NCAM2: variants seen among roughly 807,000 people sequenced by gnomAD.
NCAM2 encodes the protein N-CAM-2.
A neutral mutation model predicts 98.1 loss-of-function variants in NCAM2; 30 were observed. That is an observed-to-expected ratio of 0.31 (90% CI 0.23 to 0.41). The LOEUF (loss-of-function observed/expected upper bound fraction) is 0.41. Ranked by LOEUF, NCAM2 falls within the 10% of genes least tolerant of loss-of-function variation. The pLI, the probability that NCAM2 is intolerant of heterozygous loss-of-function variation, is 1.00. For missense variants in NCAM2, 867 were observed against 1,005.8 expected, an observed-to-expected ratio of 0.86 and a Z score of 1.87; for synonymous variants, 368 against 342.4, an observed-to-expected ratio of 1.07 and a Z score of -0.83.
chr21:21,039,454 TCC>T (rs773984795), intron 1 of NCAM2, among the ~76,000 whole-genome samples: 6 of 152,154 alleles, frequency 3.9e-5, no homozygotes, highest in South Asian at 2.1e-4. Context: ...CATGAAATGT[TCC>T]CAACACATAA....
intron 11 of NCAM2, among the ~76,000 whole-genome samples, chr21:21,426,538 A>G (rs2077217623): frequency 6.6e-6 from 1 of 152,190 alleles, no homozygotes; most frequent in South Asian, 2.1e-4. Context: ...CAAGGTCACA[A>G]AATAGCATAA....
intron 12 of NCAM2, among the ~76,000 whole-genome samples, chr21:21,442,018 A>G (rs1020503518): frequency 2.0e-5 from 3 of 152,198 alleles, no homozygotes; most frequent in Non-Finnish European, 4.4e-5. Flanking sequence ...CATTTTAACA[A>G]GATGACCCGA....
chr21:21,115,989 G>C (rs201850102), intron 1 of NCAM2, among the ~76,000 whole-genome samples: 41 of 130,740 alleles, frequency 3.1e-4, no homozygotes, highest in East Asian at 1.3e-3. Context: ...GTGTGTGTGT[G>C]TGTCTGTCTG....
intron 1 of NCAM2, among the ~76,000 whole-genome samples, chr21:21,273,974 T>C (rs901840130): frequency 1.3e-5 from 2 of 151,870 alleles, no homozygotes; most frequent in Non-Finnish European, 2.9e-5. Context: ...GAGACCAGCA[T>C]GAAGAACATG....
In NCAM2 at chr21:21,096,680, A is replaced by G. The variant is rs988200230; in HGVS notation, c.55+98062A>G. Among the ~76,000 whole-genome samples the G allele has an allele frequency of 8.6e-5, 13 of 151,720 alleles. 1 individual carries two copies. The Admixed American group carries it at 8.6e-4, about 10-fold the overall frequency. Reference sequence around the variant, plus strand: ...TTATGTATCTTTCTAAGTTTGGATCAGCTTCCAACATTTTATTCTTTACTC... The same window carrying G: ...TTATGTATCTTTCTAAGTTTGGATCGGCTTCCAACATTTTATTCTTTACTC... On this transcript the variant is annotated intron_variant, in intron 1 of 17. Coordinates refer to ENST00000400546, the MANE Select transcript of NCAM2 (RefSeq NM_004540.5).
intron 1 of NCAM2, among the ~76,000 whole-genome samples, chr21:21,107,596 TA>T (rs2066375098): frequency 6.6e-6 from 1 of 152,124 alleles, no homozygotes; most frequent in African/African-American, 2.4e-5. Context: ...TTAATTATAT[TA>T]AAAATAACTT....
chr21:21,285,872 T>C (rs1390133244), intron 3 of NCAM2, among the ~76,000 whole-genome samples: 1 of 151,928 alleles, frequency 6.6e-6, no homozygotes, highest in Non-Finnish European at 1.5e-5. Context: ...AATATTGCTA[T>C]TTTATATAGG....
chr21:21,524,738 G>T (rs530906643), intron 16 of NCAM2, among the ~76,000 whole-genome samples: 1 of 152,098 alleles, frequency 6.6e-6, no homozygotes, highest in African/African-American at 2.4e-5. Flanking sequence ...GCCTAGAATA[G>T]GCACCAAGAT....
chr21:21,516,894 G>A (rs1988744540), intron 16 of NCAM2, among the ~76,000 whole-genome samples: 1 of 151,914 alleles, frequency 6.6e-6, no homozygotes, highest in Non-Finnish European at 1.5e-5. Context: ...TTTTTTCTCT[G>A]TGTTTCCTCC....
intron 15 of NCAM2, among the ~76,000 whole-genome samples, chr21:21,495,426 C>T (rs1039455128): frequency 1.3e-5 from 2 of 152,054 alleles, no homozygotes; most frequent in South Asian, 2.1e-4. Context: ...ACTGGACAGA[C>T]ATTTAATAGC....
intron 1 of NCAM2, among the ~76,000 whole-genome samples, chr21:21,033,663 G>A (rs2064737082): frequency 6.6e-6 from 1 of 152,090 alleles, no homozygotes; most frequent in African/African-American, 2.4e-5. Context: ...GAAGCAAAGG[G>A]TGGCTTATTA....
chr21:21,121,955 C>T (rs1310971771), intron 1 of NCAM2, among the ~76,000 whole-genome samples: 1 of 152,216 alleles, frequency 6.6e-6, no homozygotes, highest in East Asian at 1.9e-4. Context: ...AAGAGTTATT[C>T]TACCTGTTTC....
At chr21:21,188,543 A>G (rs1008101191) in intron 1 of NCAM2, among the ~76,000 whole-genome samples, 6 of 152,204 alleles carry the variant, frequency 3.9e-5, no homozygotes, top group African/African-American at 7.2e-5. Context: ...AGCTCTTATT[A>G]AACATAATGC....
At chr21:21,257,172 T>C (rs1002199578) in intron 1 of NCAM2, among the ~76,000 whole-genome samples, 7 of 152,164 alleles carry the variant, frequency 4.6e-5, no homozygotes, top group Admixed American at 2.6e-4. Flanking sequence ...TTGTCTGAGA[T>C]TGCCATAAAC....
chr21:21,128,316 G>T (rs1024868689), intron 1 of NCAM2, among the ~76,000 whole-genome samples: 1 of 151,902 alleles, frequency 6.6e-6, no homozygotes, highest in African/African-American at 2.4e-5. Flanking sequence ...GTATTAAAAT[G>T]GATGCATGCC....
chr21:21,095,044 A>T (rs1398879393), intron 1 of NCAM2, among the ~76,000 whole-genome samples: 5 of 151,790 alleles, frequency 3.3e-5, no homozygotes. Context: ...TATTATAAAT[A>T]TTCCCAGAAG....
At chr21:21,021,181 T>C (rs1267899574) in intron 1 of NCAM2, among the ~76,000 whole-genome samples, 1 of 150,770 alleles carries the variant, frequency 6.6e-6, no homozygotes, top group African/African-American at 2.5e-5. Flanking sequence ...TTTCTATGGA[T>C]CATTTTTTTT....
At chr21:21,240,082 A>G (rs1302148772) in intron 1 of NCAM2, among the ~76,000 whole-genome samples, 1 of 152,072 alleles carries the variant, frequency 6.6e-6, no homozygotes, top group Non-Finnish European at 1.5e-5. Flanking sequence ...TGTTTCTTCT[A>G]GAAGAAGTTG....
intron 12 of NCAM2, chr21:21,463,985 CA>C (rs1983341621): frequency 6.6e-6 from 1 of 152,018 alleles, no homozygotes. Flanking sequence ...TTTTAACCTA[CA>C]AAGATGAAGA....
Sources: allele counts gnomAD v4.1 joint callset (sites outside exome capture counted in the v4.1 genomes callset), GRCh38; gene constraint gnomAD v4.1.1; transcripts MANE v1.5; gene names NCBI Gene and HGNC (gene_info 2026-07-23, HGNC 2026-07-21).